The following PRELID2 variants were observed in gnomAD, a reference collection of about 807,000 sequenced individuals.
The protein encoded by PRELID2 is PRELI domain-containing protein 2.
A neutral mutation model predicts 28.4 loss-of-function variants in PRELID2; 25 were observed. The observed-to-expected ratio is 0.88, with a 90% CI of 0.64 to 1.23. The LOEUF is 1.23. PRELID2 is among the 50% of genes most tolerant of loss of function. PRELID2 has a pLI of 0.00. For synonymous variants in PRELID2, 76 were observed against 71.6 expected, an observed-to-expected ratio of 1.06 and a Z score of -0.31; for missense variants, 201 against 214.4, an observed-to-expected ratio of 0.94 and a Z score of 0.39.
At chr5:145,303,426 T>C in the PRELID2 span, among the ~76,000 whole-genome samples, 1 of 152,214 alleles carries the variant, frequency 6.6e-6, no homozygotes. Flanking sequence ...ATATTGCTTT[T>C]ATATTACCAG....
At chr5:145,707,220 C>T (rs760654931) in intron 1 of PRELID2, among the ~76,000 whole-genome samples, 1 of 152,050 alleles carries the variant, frequency 6.6e-6, no homozygotes, top group Non-Finnish European at 1.5e-5. Context: ...ATAATTTGCC[C>T]AGGACCCATA....
chr5:145,821,293 T>C (rs1190661910), intron 2 of PRELID2, among the ~76,000 whole-genome samples: 1 of 147,582 alleles, frequency 6.8e-6, no homozygotes, highest in Non-Finnish European at 1.5e-5. Flanking sequence ...GTGTTTAAGC[T>C]CTCTTCTGTG....
At chr5:145,244,281 C>G in the PRELID2 span, among the ~76,000 whole-genome samples, 1 of 151,960 alleles carries the variant, frequency 6.6e-6, no homozygotes, top group Non-Finnish European at 1.5e-5. Flanking sequence ...ATGCATTTCA[C>G]TCTTAATATA....
At chr5:145,626,134 G>C (rs1161731952) in intron 1 of PRELID2, among the ~76,000 whole-genome samples, 1 of 152,108 alleles carries the variant, frequency 6.6e-6, no homozygotes, top group Non-Finnish European at 1.5e-5. Flanking sequence ...AATAATTTAT[G>C]ACTAGGTCTT....
At chr5:145,834,673 T>C (rs1455717103) in intron 1 of PRELID2, 1 of 151,768 alleles carries the variant, frequency 6.6e-6, no homozygotes, top group Non-Finnish European at 1.5e-5. Flanking sequence ...AACAACTCTA[T>C]GAGTCGGTAC....
chr5:145,505,973 T>C (rs910661487), intron 1 of PRELID2, among the ~76,000 whole-genome samples: 3 of 152,032 alleles, frequency 2.0e-5, no homozygotes, highest in Non-Finnish European at 4.4e-5. Flanking sequence ...AATAGAATGG[T>C]GGTTTCCAGG....
At chr5:145,619,908 T>C (rs551752655) in intron 1 of PRELID2, among the ~76,000 whole-genome samples, 2 of 152,188 alleles carry the variant, frequency 1.3e-5, no homozygotes, top group East Asian at 3.9e-4. Flanking sequence ...GAAACCACAA[T>C]GAGGTTACAA....
the PRELID2 span, among the ~76,000 whole-genome samples, chr5:145,423,398 C>T: frequency 6.6e-6 from 1 of 152,118 alleles, no homozygotes; most frequent in Non-Finnish European, 1.5e-5. Flanking sequence ...TTGGTCTTTT[C>T]ACATAGTCCC....
intron 1 of PRELID2, among the ~76,000 whole-genome samples, chr5:145,541,471 A>G (rs1283962200): frequency 6.6e-6 from 1 of 152,094 alleles, no homozygotes; most frequent in Non-Finnish European, 1.5e-5. Flanking sequence ...AACCCAGGCT[A>G]CATGGAACCA....
At chr5:145,416,144 T>G in the PRELID2 span, among the ~76,000 whole-genome samples, 1 of 152,176 alleles carries the variant, frequency 6.6e-6, no homozygotes. Context: ...TTTTTTCTTG[T>G]AAATTTGTTT....
chr5:145,389,865 T>TTATATCAG, the PRELID2 span, among the ~76,000 whole-genome samples: 2,255 of 152,212 alleles, frequency 0.015, 54 homozygotes, highest in African/African-American at 0.051. Flanking sequence ...AGATAAAAAT[T>TTATATCAG]TATATCAGAC....
intron 1 of PRELID2, among the ~76,000 whole-genome samples, chr5:145,489,947 G>A (rs1209252360): frequency 6.6e-6 from 1 of 152,040 alleles, no homozygotes; most frequent in Non-Finnish European, 1.5e-5. Context: ...ATCAAAACTT[G>A]CTATATAAAG....
chr5:145,829,926 T>C (rs76584019), intron 1 of PRELID2, among the ~76,000 whole-genome samples: 15 of 152,326 alleles, frequency 9.8e-5, no homozygotes, highest in African/African-American at 3.6e-4. Context: ...AGAGTAAACA[T>C]TCAAACCATT....
intron 1 of PRELID2, among the ~76,000 whole-genome samples, chr5:145,603,348 A>G (rs1348490746): frequency 6.7e-6 from 1 of 149,104 alleles, no homozygotes; most frequent in Non-Finnish European, 1.5e-5. Flanking sequence ...ACTATCGACA[A>G]AGAAGTAAAA....
chr5:145,590,756 C>T (rs1753215197), intron 1 of PRELID2, among the ~76,000 whole-genome samples: 1 of 152,110 alleles, frequency 6.6e-6, no homozygotes, highest in South Asian at 2.1e-4. Context: ...GTCAGATTAT[C>T]TGTCTCACAT....
At chr5:145,824,809 T>G (rs1176496009) in intron 1 of PRELID2, among the ~76,000 whole-genome samples, 1 of 152,166 alleles carries the variant, frequency 6.6e-6, no homozygotes, top group African/African-American at 2.4e-5. Flanking sequence ...TGTTTCATGT[T>G]GGTAAACTCT....
chr5:145,455,186 T>C, the PRELID2 span, among the ~76,000 whole-genome samples: 2 of 152,012 alleles, frequency 1.3e-5, no homozygotes, highest in Non-Finnish European at 2.9e-5. Flanking sequence ...GTTTCAGTTT[T>C]CCAACACCAT....
At chr5:145,346,109 T>G in the PRELID2 span, among the ~76,000 whole-genome samples, 5 of 152,128 alleles carry the variant, frequency 3.3e-5, no homozygotes, top group East Asian at 9.6e-4. Context: ...CTAGGGCAAA[T>G]TACTCAGCCT....
At chr5:145,751,850 C>A (rs542865106), downstream of PRELID2, among the ~76,000 whole-genome samples, 9 of 152,114 alleles carry the variant, frequency 5.9e-5, no homozygotes, top group African/African-American at 2.2e-4. Flanking sequence ...GGCGTGGTGG[C>A]GGGTGCCTGT....
Sources: gnomAD v4.1 joint callset for allele counts (sites outside exome capture counted in the v4.1 genomes callset) on GRCh38, gnomAD v4.1.1 for gene constraint, MANE v1.5 for transcripts, NCBI Gene and HGNC (gene_info 2026-07-23, HGNC 2026-07-21) for gene names.